Variants in KCNT1 observed in about 807,000 individuals in gnomAD.
The protein encoded by KCNT1 is potassium channel subfamily T member 1.
KCNT1 carries 78 observed loss-of-function variants against 147.8 expected under a neutral mutation model. The observed-to-expected ratio is 0.53, with a 90% CI of 0.44 to 0.64. The LOEUF (loss-of-function observed/expected upper bound fraction) is 0.64, where lower values mean the gene tolerates loss of function less well. Ranked by LOEUF, KCNT1 falls within the 30% of genes least tolerant of loss-of-function variation. KCNT1 has a pLI of 0.00. For synonymous variants in KCNT1, 867 were observed against 748.8 expected (o/e 1.16, Z -2.58); for missense variants, 1,419 against 1,750.3 (o/e 0.81, Z 3.38).
At chr9:135,788,725 C>T (rs895108778) in intron 29 of KCNT1, among the ~76,000 whole-genome samples, 13 of 152,154 alleles carry the variant, frequency 8.5e-5, no homozygotes, top group African/African-American at 3.1e-4. Flanking sequence ...ACCTTCGTCC[C>T]CCAGCTGGGG....
intron 2 of KCNT1, among the ~76,000 whole-genome samples, chr9:135,725,388 T>C (rs762400747): frequency 1.3e-5 from 2 of 152,080 alleles, no homozygotes; most frequent in East Asian, 1.9e-4. Flanking sequence ...CAGTGACTTA[T>C]ACGAAGAGAA....
chr9:135,749,837 C>A (rs917354502), intron 2 of KCNT1, among the ~76,000 whole-genome samples: 4 of 152,198 alleles, frequency 2.6e-5, no homozygotes, highest in Non-Finnish European at 2.9e-5. Flanking sequence ...GCCTGGAGGG[C>A]CCAGACTCAC....
rs547146385 is a variant in KCNT1, at chr9:135,770,916, C to T, written c.1829C>T (p.Pro610Leu). The T allele has an allele frequency of 3.7e-6, 6 of 1,609,934 alleles. No homozygotes were observed. Among genetic ancestry groups the T allele is most frequent in the East Asian group, 2.2e-5 (1 of 44,716 alleles). Residue 610 changes from proline (P) to leucine (L), a missense_variant, in exon 18 of 31, where the codon CCG becomes CTG. Physicochemically the swap from Pro to Leu is moderately conservative, Grantham distance 98 (BLOSUM62 -3). Around this residue, in one of 5 missense-constraint regions of KCNT1, gnomAD observed 284 missense variants for 292.8 expected, o/e 0.97. Coordinates refer to ENST00000371757, the MANE Select transcript of KCNT1 (RefSeq NM_020822.3). The stretch of plus-strand genomic sequence containing the variant: ...GACAACAAGAGCATCCTGCTGAACC[C>T]GGGGCCCCGGCACATCCTGGCCGCC... ...REDNKSILLN[P>L]GPRHILAASD...
intron 21 of KCNT1, 122 bp downstream of exon 21, chr9:135,777,632 C>T: frequency 1.1e-6 from 1 of 901,758 alleles, no homozygotes; most frequent in Non-Finnish European, 1.7e-6. Context: ...GGGCCTCTGG[C>T]CTGGTCCTCT....
intron 20 of KCNT1, among the ~76,000 whole-genome samples, chr9:135,776,647 A>ATG (rs543204559): frequency 9.9e-4 from 150 of 152,246 alleles, no homozygotes; most frequent in Middle Eastern, 6.8e-3. Context: ...CCCCTTCCCC[A>ATG]TGTGTGTGTG....
At chr9:135,735,606 C>T (rs1049701328) in intron 2 of KCNT1, among the ~76,000 whole-genome samples, 6 of 152,092 alleles carry the variant, frequency 3.9e-5, no homozygotes, top group South Asian at 2.1e-4. Context: ...TGGGGCGGGC[C>T]GGCCCACTCC....
chr9:135,743,660 G>A (rs895209907), intron 2 of KCNT1, among the ~76,000 whole-genome samples: 20 of 152,190 alleles, frequency 1.3e-4, no homozygotes, highest in African/African-American at 3.9e-4. Flanking sequence ...CCGAGGAGTC[G>A]GGTCTCAGAC....
In KCNT1 at chr9:135,765,652, C is replaced by T. The variant is rs954342612; in HGVS notation, c.1229C>T (p.Thr410Met). 4 of 1,611,036 alleles carry T rather than the reference C, an allele frequency of 2.5e-6. No individual in the cohort carries two copies. The highest frequency in any genetic ancestry group is 2.5e-6 in the Non-Finnish European group (3 of 1,179,116). ...QDYYVVILCP[T>M]EMDVQVRRVL... Reference sequence around the variant, plus strand: ...TATTACGTGGTCATCCTGTGCCCCACGGAGATGGATGTCCAGGTGCGCAGA... The same window carrying T: ...TATTACGTGGTCATCCTGTGCCCCATGGAGATGGATGTCCAGGTGCGCAGA... Residue 410 changes from threonine (T) to methionine (M), a missense_variant, in exon 13 of 31, where the codon ACG becomes ATG. Thr to Met is a moderately conservative substitution (Grantham distance 81, BLOSUM62 -1). This residue lies in a region of KCNT1 where 401 missense variants were observed against 610.6 expected (regional missense o/e 0.66). Transcript: ENST00000371757.
chr9:135,739,283 A>C lies in KCNT1; in HGVS notation c.255-10815A>C, dbSNP rs549618159. Among the ~76,000 whole-genome samples, 35 of 152,088 alleles carry C rather than the reference A, an allele frequency of 2.3e-4. 1 individual carries two copies. In the South Asian group the frequency reaches 6.8e-3, roughly 30 times the overall value. On this transcript the variant is annotated intron_variant, in intron 2 of 30. Transcript: ENST00000371757. ...AAGCCTGAGGCCCCCACACAGCCTGAGGTCTAGCGTGGTCCAGTTCTCCTG... is the reference window on the plus strand; with the variant it reads ...AAGCCTGAGGCCCCCACACAGCCTGCGGTCTAGCGTGGTCCAGTTCTCCTG...
At chr9:135,716,658 C>T (rs1835731936) in intron 2 of KCNT1, among the ~76,000 whole-genome samples, 1 of 152,196 alleles carries the variant, frequency 6.6e-6, no homozygotes, top group Non-Finnish European at 1.5e-5. Flanking sequence ...TCTTGGCGTG[C>T]TGTGCCCACT....
chr9:135,758,363 C>T (rs760490846), intron 9 of KCNT1, 51 bp from the exon 10 acceptor site: 3 of 1,375,944 alleles, frequency 2.2e-6, no homozygotes, highest in Admixed American at 1.7e-5. Flanking sequence ...TCATTGGCTC[C>T]TGGCGGGGTC....
intron 2 of KCNT1, among the ~76,000 whole-genome samples, chr9:135,738,390 G>GT (rs1830424611): frequency 6.6e-6 from 1 of 152,208 alleles, no homozygotes; most frequent in South Asian, 2.1e-4. Context: ...GCTGAGATGA[G>GT]TAGGGCAGGC....
At chr9:135,707,419 C>G (rs545167394) in intron 1 of KCNT1, among the ~76,000 whole-genome samples, 2 of 152,198 alleles carry the variant, frequency 1.3e-5, no homozygotes, top group Non-Finnish European at 2.9e-5. Context: ...TTGCCCCCAG[C>G]AGCCAGCTCA....
chr9:135,738,557 C>T (rs571448552), intron 2 of KCNT1, among the ~76,000 whole-genome samples: 2 of 152,294 alleles, frequency 1.3e-5, no homozygotes, highest in Admixed American at 6.5e-5. Context: ...GAGCTGCCTT[C>T]ATGGGCCAGC....
At chr9:135,734,864 T>C (rs921497119) in intron 2 of KCNT1, among the ~76,000 whole-genome samples, 4 of 152,134 alleles carry the variant, frequency 2.6e-5, no homozygotes, top group African/African-American at 9.6e-5. Context: ...TGGGCAGCCC[T>C]GATGTCCATC....
chr9:135,736,693 CCAGCCGGCGCCG>C (rs1830356066), intron 2 of KCNT1: 1 of 341,830 alleles, frequency 2.9e-6, no homozygotes, highest in Non-Finnish European at 5.3e-6. Flanking sequence ...GGGGGGCGCC[CCAGCCGGCGCCG>C]CAGCCCCCGA....
At chr9:135,791,125 TC>T (rs1353292875) in intron 29 of KCNT1, 1 of 152,328 alleles carries the variant, frequency 6.6e-6, no homozygotes. Flanking sequence ...ACTCAGGACT[TC>T]AGTCTGAAGC....
intron 10 of KCNT1, among the ~76,000 whole-genome samples, chr9:135,758,732 C>G (rs1225193030): frequency 6.6e-6 from 1 of 152,224 alleles, no homozygotes; most frequent in Non-Finnish European, 1.5e-5. Context: ...CCGACTCCTC[C>G]AAGGACAGAG....
chr9:135,775,238 C>T, intron 19 of KCNT1, 72 bp from the exon 20 acceptor site: 6 of 1,206,516 alleles, frequency 5.0e-6, no homozygotes, highest in Non-Finnish European at 7.0e-6. Context: ...GTCCCCCAGC[C>T]CGAGGGGGGC....
Sources: gnomAD v4.1 joint callset for allele counts (sites outside exome capture counted in the v4.1 genomes callset) on GRCh38, gnomAD v4.1.1 for gene constraint, gnomAD v4.1.1 regional missense constraint, MANE v1.5 for transcripts, NCBI Gene and HGNC (gene_info 2026-07-23, HGNC 2026-07-21) for gene names.